The following INA variants were observed in gnomAD, a reference collection of about 807,000 sequenced individuals.
INA encodes the protein internexin neuronal intermediate filament protein alpha.
In INA, 35 loss-of-function variants were observed where a neutral mutation model predicts 40.1. That is an observed-to-expected ratio of 0.87 (90% CI 0.67 to 1.16). The LOEUF is 1.16. INA is among the 50% of genes most tolerant of loss of function. The probability of loss-of-function intolerance (pLI) is 0.00; values close to 1 mark genes in which losing one functional copy is unlikely to be tolerated. For synonymous variants in INA, 290 were observed against 316.9 expected, an observed-to-expected ratio of 0.92 and a Z score of 0.90; for missense variants, 594 against 686.7, an observed-to-expected ratio of 0.87 and a Z score of 1.51.
chr10:103,290,038 CTG>C lies in INA; in HGVS notation c.*1373_*1374del, dbSNP rs2093096675. On this transcript the variant is annotated 3_prime_UTR_variant, in exon 3 of 3. Transcript: ENST00000369849. ...GACAGTCAGCTCTTCATCTGCCCAA[CTG>C]TGTAGCATCTGCATTGCCCAGTCTT... is the stretch of plus-strand genomic sequence containing the variant. 1 of 152,664 alleles carries C rather than the reference CTG, an allele frequency of 6.6e-6. No homozygotes were observed. Among genetic ancestry groups the C allele is most frequent in the Non-Finnish European group, 1.5e-5 (1 of 68,068 alleles). The allele number at this position is 152,664 out of a possible 1,614,324, so 9.5% of individuals were successfully genotyped here.
At chr10:103,285,778 C>T (rs2093084483) in intron 1 of INA, among the ~76,000 whole-genome samples, 1 of 151,966 alleles carries the variant, frequency 6.6e-6, no homozygotes, top group Non-Finnish European at 1.5e-5. Context: ...CCACTGCACC[C>T]AGCTAATTTT....
Position 103,277,254 on chromosome 10 carries a change from T to G in INA, c.43T>G (p.Tyr15Asp). 1 of 1,592,698 alleles carries G rather than the reference T, an allele frequency of 6.3e-7. No homozygotes were observed. The highest frequency in any genetic ancestry group is 8.5e-7 in the Non-Finnish European group (1 of 1,172,932). The change falls in exon 1 of 3, where the codon TAC becomes GAC. Residue 15 changes from tyrosine (Y) to aspartate (D), a missense_variant. Tyr to Asp is a radical substitution (Grantham distance 160, BLOSUM62 -3). This residue lies in a region of INA where 215 missense variants were observed against 190.6 expected (regional missense o/e 1.13). Coordinates refer to ENST00000369849, the MANE Select transcript of INA (RefSeq NM_032727.4). The surrounding 1 kb of genome is among the most constrained non-coding windows in gnomAD (Gnocchi z 5.6). Reference sequence around the variant, plus strand: ...GCACTACCTGTGCTCCTCCTCCTCCTACCGCAAGGTGTTCGGGGATGGCTC... The same window carrying G: ...GCACTACCTGTGCTCCTCCTCCTCCGACCGCAAGGTGTTCGGGGATGGCTC... ...SEHYLCSSSSYRKVFGDGSRL... is the reference protein window; with the variant it reads ...SEHYLCSSSSDRKVFGDGSRL...
In INA at chr10:103,280,620, G is replaced by GC. The variant is rs1169958549; in HGVS notation, c.1065+2348dup. On this transcript the variant is annotated intron_variant, in intron 1 of 2. Coordinates refer to ENST00000369849, the MANE Select transcript of INA (RefSeq NM_032727.4). ...GCCCCATTAAAGTCCCATCTTCTCTGCCCCAGATAGCTGATAGCCTATTTA... is the reference window on the plus strand; with the variant it reads ...GCCCCATTAAAGTCCCATCTTCTCTGCCCCCAGATAGCTGATAGCCTATTTA... 1.9e-5 allele frequency: 19 copies of GC among 985,402 alleles called. 1 individual carries two copies. In the South Asian group the frequency reaches 5.2e-4, roughly 27 times the overall value. The allele number at this position is 985,402 out of a possible 1,614,324, so 61.0% of individuals were successfully genotyped here.
rs750968378 is a variant in INA at position 103,277,343 on chromosome 10, C to T, written c.132C>T (p.Ser44=). 3.2e-6 allele frequency: 5 copies of T among 1,582,170 alleles called. No homozygotes were observed. The South Asian group carries it at 5.6e-5, about 18-fold the overall frequency. ...GAGGFRSQSL[S]RSNVASSAAC... is the part of the protein sequence containing the mutation. Reference sequence around the variant, plus strand: ...GCGGCTTCCGCTCGCAGTCGCTGTCCCGCAGCAATGTGGCCTCCTCGGCCG... The same window carrying T: ...GCGGCTTCCGCTCGCAGTCGCTGTCTCGCAGCAATGTGGCCTCCTCGGCCG... The change falls in exon 1 of 3, where the codon TCC becomes TCT. Residue 44 remains serine, a synonymous_variant. Transcript: ENST00000369849. The surrounding 1 kb of genome is among the most constrained non-coding windows in gnomAD (Gnocchi z 5.6).
chr10:103,286,005 G>A (rs578120290), intron 1 of INA, among the ~76,000 whole-genome samples: 2 of 151,976 alleles, frequency 1.3e-5, no homozygotes, highest in African/African-American at 4.8e-5. Flanking sequence ...GCCTGGGACA[G>A]CAATGAACTT....
At chr10:103,283,108 T>A (rs1334332450) in intron 1 of INA, among the ~76,000 whole-genome samples, 1 of 152,104 alleles carries the variant, frequency 6.6e-6, no homozygotes. Flanking sequence ...AGTAGAAGAT[T>A]GGAAGGAACT....
intron 1 of INA, among the ~76,000 whole-genome samples, chr10:103,284,866 C>T (rs1484091457): frequency 1.3e-5 from 2 of 152,050 alleles, no homozygotes; most frequent in African/African-American, 4.8e-5. Context: ...CCTGCATGGG[C>T]CAGTAGCTGC....
In INA at chr10:103,277,517, C is replaced by T; in HGVS notation, c.306C>T (p.Asn102=). The T allele has an allele frequency of 6.3e-7, 1 of 1,587,510 alleles. No homozygotes were observed. Residue 102 remains asparagine, a synonymous_variant, in exon 1 of 3, where the codon AAC becomes AAT. Transcript: ENST00000369849. The surrounding 1 kb of genome is among the most constrained non-coding windows in gnomAD (Gnocchi z 5.6). ...AGAAGGAGCAGCTGCAGGGCCTCAACGACCGCTTCGCCGTGTTCATCGAGA... is the reference window on the plus strand; with the variant it reads ...AGAAGGAGCAGCTGCAGGGCCTCAATGACCGCTTCGCCGTGTTCATCGAGA... ...TNEKEQLQGL[N]DRFAVFIEKV...
At chr10:103,283,748 C>CTTTTTTT (rs34755376) in intron 1 of INA, among the ~76,000 whole-genome samples, 20 of 114,874 alleles carry the variant, frequency 1.7e-4, no homozygotes, top group Non-Finnish European at 2.8e-4. Context: ...ATCACTGTTT[C>CTTTTTTT]TTTTTTTTTT....
intron 2 of INA, 74 bp from the exon 3 acceptor site, chr10:103,288,286 C>A: frequency 1.6e-6 from 2 of 1,249,424 alleles, no homozygotes; most frequent in Non-Finnish European, 2.2e-6. Flanking sequence ...TCAAATGAAT[C>A]AGGATTGGAG....
intron 1 of INA, among the ~76,000 whole-genome samples, chr10:103,279,185 GT>G: frequency 6.6e-6 from 1 of 152,120 alleles, no homozygotes; most frequent in East Asian, 1.9e-4. Context: ...GACAACATCA[GT>G]TTTGGCTTTC....
In INA at chr10:103,278,351, G is replaced by A. The variant is rs2093065357; in HGVS notation, c.1065+75G>A. The A allele has an allele frequency of 7.9e-7, 1 of 1,258,230 alleles. No homozygotes were observed. Among genetic ancestry groups the A allele is most frequent in the African/African-American group, 1.5e-5 (1 of 66,296 alleles). The allele number at this position is 1,258,230 out of a possible 1,614,324, so 77.9% of individuals were successfully genotyped here. ...CGTACCCTCTTCCTCTGGTAAAACT[G>A]GGCCCCAGGACTTAAGGGGAGGGCA... On this transcript the variant is annotated intron_variant, in intron 1 of 2. Coordinates refer to ENST00000369849, the MANE Select transcript of INA (RefSeq NM_032727.4). The surrounding 1 kb of genome is among the most constrained non-coding windows in gnomAD (Gnocchi z 4.9).
chr10:103,277,280 T>C lies in INA; in HGVS notation c.69T>C (p.Ser23=). ...ACCGCAAGGTGTTCGGGGATGGCTCTCGCCTGTCCGCCCGCCTCTCTGGGG... is the reference window on the plus strand; with the variant it reads ...ACCGCAAGGTGTTCGGGGATGGCTCCCGCCTGTCCGCCCGCCTCTCTGGGG... The part of the protein sequence containing the change: ...SSYRKVFGDG[S]RLSARLSGAG... Residue 23 remains serine (S), a synonymous_variant, in exon 1 of 3, where the codon TCT becomes TCC. Coordinates refer to ENST00000369849, the MANE Select transcript of INA (RefSeq NM_032727.4). The surrounding 1 kb of genome is among the most constrained non-coding windows in gnomAD (Gnocchi z 5.6). The C allele has an allele frequency of 6.3e-7, 1 of 1,586,362 alleles. No homozygotes were observed. The highest frequency in any genetic ancestry group is 8.5e-7 in the Non-Finnish European group (1 of 1,172,088).
rs1303379865 is a variant in INA at position 103,277,571 on chromosome 10, C to T, written c.360C>T (p.Arg120=). 1.3e-6 allele frequency: 2 copies of T among 1,572,900 alleles called. No individual in the cohort carries two copies. Among genetic ancestry groups the T allele is most frequent in the Non-Finnish European group, 1.7e-6 (2 of 1,165,322 alleles). ...TGCATCAGCTGGAGACGCAGAACCG[C>T]GCGTTGGAGGCCGAGCTGGCCGCGC... ...EKVHQLETQN[R]ALEAELAALR... The change falls in exon 1 of 3, where the codon CGC becomes CGT. Residue 120 remains arginine, a synonymous_variant. Coordinates refer to ENST00000369849, the MANE Select transcript of INA (RefSeq NM_032727.4). The surrounding 1 kb of genome is among the most constrained non-coding windows in gnomAD (Gnocchi z 5.6).
Position 103,288,480 on chromosome 10 carries a change from C to T in INA, c.1311C>T (p.Ser437=). ...CTAGAATCCTCAGTGCTACAACCTC[C>T]AAAGTCTCATCCACTGGGCTATCAC... The part of the protein sequence containing the change: ...LPPRILSATT[S]KVSSTGLSLK... Residue 437 remains serine, a synonymous_variant, in exon 3 of 3, where the codon TCC becomes TCT. Coordinates refer to ENST00000369849, the MANE Select transcript of INA (RefSeq NM_032727.4). 6.2e-7 allele frequency: 1 copy of T among 1,613,864 alleles called. No individual in the cohort carries two copies. The highest frequency in any genetic ancestry group is 8.5e-7 in the Non-Finnish European group (1 of 1,179,976).
chr10:103,283,279 C>A (rs1440241705), intron 1 of INA, among the ~76,000 whole-genome samples: 1 of 152,128 alleles, frequency 6.6e-6, no homozygotes, highest in Non-Finnish European at 1.5e-5. Context: ...TCACTCTAGA[C>A]TCTTTTCCCT....
intron 1 of INA, among the ~76,000 whole-genome samples, chr10:103,285,511 G>T (rs927961685): frequency 1.4e-5 from 2 of 145,078 alleles, no homozygotes; most frequent in African/African-American, 5.2e-5. Flanking sequence ...GGTCTGGCTG[G>T]TCTCGAACTC....
chr10:103,280,420 A>G (rs532108268), intron 1 of INA: 3 of 985,454 alleles, frequency 3.0e-6, no homozygotes, highest in East Asian at 2.3e-4. Context: ...AGTGCTGACC[A>G]AGGTGAAAAG....
chr10:103,285,434 T>C (rs1438708577), intron 1 of INA, among the ~76,000 whole-genome samples: 1 of 151,538 alleles, frequency 6.6e-6, no homozygotes, highest in African/African-American at 2.4e-5. Context: ...TAGGTGGGAT[T>C]ACAGGCGCTT....
Sources: allele counts gnomAD v4.1 joint callset (sites outside exome capture counted in the v4.1 genomes callset), GRCh38; gene constraint gnomAD v4.1.1; regional missense constraint gnomAD v4.1.1; non-coding constraint Gnocchi (gnomAD v3.1); transcripts MANE v1.5; gene names NCBI Gene and HGNC (gene_info 2026-07-23, HGNC 2026-07-21).